The following KIAA0825 variants were observed in gnomAD, a reference collection of about 807,000 sequenced individuals.
The protein encoded by KIAA0825 is KIAA0825.
Under a neutral mutation model 147.6 loss-of-function variants are expected in KIAA0825, and 119 were observed. The ratio of observed to expected loss-of-function variants is 0.81; its 90% CI spans 0.69 to 0.94. The LOEUF is 0.94. Ranked by LOEUF, KIAA0825 falls within the 40% of genes least tolerant of loss-of-function variation. The probability of loss-of-function intolerance (pLI) is 0.00; values close to 1 mark genes in which losing one functional copy is unlikely to be tolerated. For synonymous variants in KIAA0825, 470 were observed against 518.1 expected, an observed-to-expected ratio of 0.91 and a Z score of 1.26; for missense variants, 1,381 against 1,472.7, an observed-to-expected ratio of 0.94 and a Z score of 1.02.
intron 5 of KIAA0825, among the ~76,000 whole-genome samples, chr5:94,494,175 T>G (rs1454968793): frequency 6.6e-6 from 1 of 152,162 alleles, no homozygotes. Context: ...CTAAACTTAC[T>G]GCTCAATGAT....
intron 14 of KIAA0825, among the ~76,000 whole-genome samples, chr5:94,437,811 C>T (rs1756565784): frequency 1.3e-5 from 2 of 152,142 alleles, no homozygotes; most frequent in African/African-American, 2.4e-5. Flanking sequence ...TAACTCTCAG[C>T]TTTGTTAGAT....
chr5:94,234,179 A>G (rs915759112), intron 20 of KIAA0825, among the ~76,000 whole-genome samples: 2 of 152,008 alleles, frequency 1.3e-5, no homozygotes, highest in Admixed American at 1.3e-4. Flanking sequence ...ATCCTGGCTA[A>G]CACAGTGAAA....
intron 16 of KIAA0825, among the ~76,000 whole-genome samples, chr5:94,401,788 G>A (rs1422110617): frequency 1.3e-5 from 2 of 152,086 alleles, no homozygotes; most frequent in Non-Finnish European, 2.9e-5. Context: ...ACTGTACTTA[G>A]GTTTATCTCT....
At position 94,391,555 on chromosome 5, in the gene KIAA0825, G is replaced by A; in HGVS notation, c.3436C>T (p.His1146Tyr). ...CCTACCTCATTGAGCTGCATGATGT[G>A]ATAAATTTGCCTCAGGTACTCCCTG... ...GGREYLRQIY[H>Y]IMQLNEEYLK... The change falls in exon 18 of 21, where the codon CAC (histidine) becomes TAC (tyrosine). Residue 1146 changes from histidine (H) to tyrosine (Y), a missense_variant. Physicochemically the swap from His to Tyr is moderately conservative, Grantham distance 83. Coordinates refer to ENST00000682413, the MANE Select transcript of KIAA0825 (RefSeq NM_001145678.3). 1 of 1,551,572 alleles carries A rather than the reference G, an allele frequency of 6.4e-7. No homozygotes were observed. Among genetic ancestry groups the A allele is most frequent in the East Asian group, 2.4e-5 (1 of 40,920 alleles).
intron 20 of KIAA0825, among the ~76,000 whole-genome samples, chr5:94,347,545 A>C (rs531085770): frequency 1.3e-5 from 2 of 152,324 alleles, no homozygotes; most frequent in South Asian, 4.1e-4. Context: ...GACTCAGAAG[A>C]GAGACAACAA....
At chr5:94,296,053 A>G (rs1180391829) in intron 20 of KIAA0825, among the ~76,000 whole-genome samples, 1 of 152,128 alleles carries the variant, frequency 6.6e-6, no homozygotes, top group Non-Finnish European at 1.5e-5. Context: ...TGGGAATTTT[A>G]TCTATAAGCC....
chr5:94,420,073 G>C (rs377298662), intron 14 of KIAA0825, among the ~76,000 whole-genome samples: 1 of 151,974 alleles, frequency 6.6e-6, no homozygotes, highest in Non-Finnish European at 1.5e-5. Flanking sequence ...AGATCAAGGT[G>C]GGGGGTACTT....
intron 14 of KIAA0825, among the ~76,000 whole-genome samples, chr5:94,420,047 A>G (rs1012507726): frequency 2.6e-5 from 4 of 152,088 alleles, no homozygotes; most frequent in African/African-American, 9.7e-5. Context: ...AGGAGTAGAA[A>G]TTTATCAGCA....
At chr5:94,488,423 A>G (rs1763321264) in intron 5 of KIAA0825, among the ~76,000 whole-genome samples, 1 of 152,226 alleles carries the variant, frequency 6.6e-6, no homozygotes, top group Non-Finnish European at 1.5e-5. Flanking sequence ...CTTAGGAAAT[A>G]CACAGTTCTC....
Position 94,153,314 on chromosome 5 carries a change from G to A in KIAA0825, c.*693C>T, listed in dbSNP as rs1766738301. On this transcript the variant is annotated 3_prime_UTR_variant, in exon 21 of 21. Transcript: ENST00000682413. ...TGGAAGAAAGATGGATTCTGATTGG[G>A]AAAACATGGCAAGCATGTGACTTGA... 1 of 152,066 alleles carries A rather than the reference G, an allele frequency of 6.6e-6. No individual in the cohort carries two copies. The allele number at this position is 152,066 out of a possible 1,614,324, so 9.4% of individuals were successfully genotyped here.
At chr5:94,329,708 C>T (rs1470571649) in intron 20 of KIAA0825, among the ~76,000 whole-genome samples, 1 of 152,110 alleles carries the variant, frequency 6.6e-6, no homozygotes, top group Non-Finnish European at 1.5e-5. Flanking sequence ...TGAATAAAGA[C>T]TCACCTGGTG....
chr5:94,587,066 A>T (rs1182864873), intron 1 of KIAA0825, among the ~76,000 whole-genome samples: 1 of 152,224 alleles, frequency 6.6e-6, no homozygotes, highest in Non-Finnish European at 1.5e-5. Context: ...GCTATTTATG[A>T]CAAACCTACA....
chr5:94,594,064 T>C, intron 1 of KIAA0825: 5 of 529,810 alleles, frequency 9.4e-6, no homozygotes, highest in South Asian at 5.7e-5. Flanking sequence ...TCTTAATTTC[T>C]ACTTAGGTAT....
At chr5:94,372,459 G>A (rs1746847349) in intron 20 of KIAA0825, among the ~76,000 whole-genome samples, 2 of 152,206 alleles carry the variant, frequency 1.3e-5, no homozygotes, top group South Asian at 4.1e-4. Flanking sequence ...TTCAATTCTT[G>A]TCTTCTGTGC....
chr5:94,240,337 T>C (rs1167151835), intron 20 of KIAA0825, among the ~76,000 whole-genome samples: 1 of 152,246 alleles, frequency 6.6e-6, no homozygotes, highest in African/African-American at 2.4e-5. Flanking sequence ...AACATTAGCA[T>C]GCATGGGCTG....
chr5:94,503,511 T>G (rs1313788507), intron 5 of KIAA0825, among the ~76,000 whole-genome samples: 1 of 152,178 alleles, frequency 6.6e-6, no homozygotes, highest in African/African-American at 2.4e-5. Context: ...CTTGGCTGTC[T>G]TCTTTGACTG....
intron 5 of KIAA0825, among the ~76,000 whole-genome samples, chr5:94,487,278 G>T (rs1473430048): frequency 1.3e-5 from 2 of 151,874 alleles, no homozygotes; most frequent in African/African-American, 4.8e-5. Flanking sequence ...TCATTTTTTT[G>T]TCCCAACCAA....
intron 1 of KIAA0825, among the ~76,000 whole-genome samples, chr5:94,612,103 T>C (rs1788988141): frequency 6.6e-6 from 1 of 152,202 alleles, no homozygotes; most frequent in South Asian, 2.1e-4. Flanking sequence ...GATGTTTTGA[T>C]TCCTAACTGT....
intron 20 of KIAA0825, among the ~76,000 whole-genome samples, chr5:94,161,004 T>A (rs1767529954): frequency 6.6e-6 from 1 of 152,184 alleles, no homozygotes; most frequent in Non-Finnish European, 1.5e-5. Context: ...CATATCCAAT[T>A]GTTGTTCACA....
Sources: gnomAD v4.1 joint callset for allele counts (sites outside exome capture counted in the v4.1 genomes callset) on GRCh38, gnomAD v4.1.1 for gene constraint, MANE v1.5 for transcripts, NCBI Gene and HGNC (gene_info 2026-07-23, HGNC 2026-07-21) for gene names.